TVP23B: variants seen among roughly 807,000 people sequenced by gnomAD.
The protein encoded by TVP23B is Golgi apparatus membrane protein TVP23 homolog B.
TVP23B carries 10 observed loss-of-function variants against 30.6 expected under a neutral mutation model. That is an observed-to-expected ratio of 0.33 (90% confidence interval 0.20 to 0.55). The LOEUF (loss-of-function observed/expected upper bound fraction) is 0.55. TVP23B is among the 20% of genes least tolerant of loss of function. TVP23B has a pLI of 0.91. For missense variants in TVP23B, 153 were observed against 243.2 expected, an observed-to-expected ratio of 0.63 and a Z score of 2.47; for synonymous variants, 67 against 83.1, an observed-to-expected ratio of 0.81 and a Z score of 1.06.
intron 3 of TVP23B, among the ~76,000 whole-genome samples, chr17:18,795,359 C>T (rs2036062253): frequency 6.6e-6 from 1 of 151,318 alleles, no homozygotes; most frequent in African/African-American, 2.4e-5. Flanking sequence ...TGTTCCCTTT[C>T]GTGGGGCCTG....
At chr17:18,788,077 G>A (rs539366090) in intron 1 of TVP23B, among the ~76,000 whole-genome samples, 117 of 92,782 alleles carry the variant, frequency 1.3e-3, no homozygotes, top group African/African-American at 4.9e-3. Flanking sequence ...GGTGGCTCAC[G>A]CCTGTAATCC....
rs1227093759 is a variant in TVP23B at position 18,786,576 on chromosome 17, C to T, written c.13-2777C>T. Among the ~76,000 whole-genome samples the T allele has an allele frequency of 4.6e-5, 7 of 152,340 alleles. No individual in the cohort carries two copies. The South Asian group carries it at 8.3e-4, about 18-fold the overall frequency. ...CATCATACGGTGGATCTCAATCTTG[C>T]TGTACGTTATGATCACACCTCAAAG... On this transcript the variant is annotated intron_variant, in intron 1 of 6. Transcript: ENST00000307767.
chr17:18,787,774 G>A lies in TVP23B; in HGVS notation c.13-1579G>A, dbSNP rs1597615208. ...AGACAGTGTCAGAAGCAAGTAGGGG[G>A]CATTAGATTCTGTGATCTTCTATGC... On this transcript the variant is annotated intron_variant, in intron 1 of 6. Coordinates refer to ENST00000307767, the MANE Select transcript of TVP23B (RefSeq NM_016078.6). Among the ~76,000 whole-genome samples the A allele has an allele frequency of 4.6e-5, 7 of 152,150 alleles. No individual in the cohort carries two copies. The South Asian group carries it at 1.5e-3, about 32-fold the overall frequency.
In TVP23B at chr17:18,790,644, G is replaced by T. The variant is rs566347344; in HGVS notation, c.96-252G>T. Among the ~76,000 whole-genome samples, 4 of 152,174 alleles carry T rather than the reference G, an allele frequency of 2.6e-5. No homozygotes were observed. In the East Asian group the frequency reaches 7.7e-4, roughly 29 times the overall value. ...GATAAAATTCTTTATTATCTATTTT[G>T]TGAAAGTTTATATTCAATGAGGTGT... On this transcript the variant is annotated intron_variant, in intron 2 of 6. Coordinates refer to ENST00000307767, the MANE Select transcript of TVP23B (RefSeq NM_016078.6).
intron 3 of TVP23B, among the ~76,000 whole-genome samples, chr17:18,792,397 C>T (rs1349225765): frequency 4.6e-5 from 7 of 152,116 alleles, no homozygotes; most frequent in Non-Finnish European, 8.8e-5. Flanking sequence ...TTCCATAGGC[C>T]GCATAATGCT....
intron 1 of TVP23B, among the ~76,000 whole-genome samples, chr17:18,785,278 A>G (rs1225772724): frequency 6.6e-6 from 1 of 152,178 alleles, no homozygotes; most frequent in African/African-American, 2.4e-5. Context: ...GTCATTTAGC[A>G]TCTTAAAATG....
intron 5 of TVP23B, among the ~76,000 whole-genome samples, chr17:18,800,256 G>C (rs2036139719): frequency 1.3e-5 from 2 of 151,916 alleles, no homozygotes; most frequent in Admixed American, 1.3e-4. Flanking sequence ...CTTCCTATGA[G>C]TTTCCTCCTT....
At chr17:18,798,779 C>T in intron 4 of TVP23B, 33 bp from the exon 5 acceptor site, 4 of 1,583,840 alleles carry the variant, frequency 2.5e-6, no homozygotes, top group South Asian at 1.1e-5. Flanking sequence ...ATAAATTTCA[C>T]AACATGATAA....
intron 1 of TVP23B, among the ~76,000 whole-genome samples, chr17:18,785,965 G>A (rs1035654660): frequency 3.9e-5 from 6 of 152,108 alleles, no homozygotes; most frequent in African/African-American, 1.2e-4. Flanking sequence ...GGCTCAAGGG[G>A]TTAAACATCA....
intron 3 of TVP23B, among the ~76,000 whole-genome samples, 154 bp downstream of exon 3, chr17:18,791,194 T>G (rs2035988607): frequency 6.9e-6 from 1 of 144,196 alleles, no homozygotes; most frequent in African/African-American, 2.6e-5. Context: ...GTAGTTTTTT[T>G]TTTTTTTTTT....
chr17:18,790,791 C>G (rs1253755593), intron 2 of TVP23B, 105 bp from the exon 3 acceptor site: 4 of 1,491,104 alleles, frequency 2.7e-6, no homozygotes, highest in Non-Finnish European at 3.6e-6. Context: ...TTTATTTTGA[C>G]AAAACTCTTC....
rs2014669569 is a variant in TVP23B, at chr17:18,781,239, C to T, written c.-55C>T. 1.9e-6 allele frequency: 3 copies of T among 1,553,606 alleles called. No individual in the cohort carries two copies. The highest frequency in any genetic ancestry group is 2.6e-6 in the Non-Finnish European group (3 of 1,149,206). On this transcript the variant is annotated 5_prime_UTR_variant, in exon 1 of 7. Coordinates refer to ENST00000307767, the MANE Select transcript of TVP23B (RefSeq NM_016078.6). ...GGGTCGCCTCAGTTCCGACCCGGACCCGTACGCTGCTGCGCTGACGTGGCT... is the reference window on the plus strand; with the variant it reads ...GGGTCGCCTCAGTTCCGACCCGGACTCGTACGCTGCTGCGCTGACGTGGCT...
chr17:18,806,323 A>C lies in TVP23B; in HGVS notation c.*756A>C. On this transcript the variant is annotated 3_prime_UTR_variant, in exon 7 of 7. Coordinates refer to ENST00000307767, the MANE Select transcript of TVP23B (RefSeq NM_016078.6). ...AGCTAATAGATCTTTTACCACTAAA[A>C]GAGCATTATTCTCATGTCATAATGA... 1 of 930,640 alleles carries C rather than the reference A, an allele frequency of 1.1e-6. No individual in the cohort carries two copies. Among genetic ancestry groups the C allele is most frequent in the Non-Finnish European group, 1.3e-6 (1 of 779,666 alleles). 57.6% of individuals were successfully genotyped at this position (930,640 alleles called of 1,614,324 possible). A position where few individuals can be genotyped will look rare whatever the true frequency, so the allele number is the denominator to read the frequency against.
At chr17:18,797,853 A>G (rs2036099310) in intron 4 of TVP23B, among the ~76,000 whole-genome samples, 185 bp downstream of exon 4, 1 of 152,220 alleles carries the variant, frequency 6.6e-6, no homozygotes, top group African/African-American at 2.4e-5. Context: ...ACCAGAAACA[A>G]GCAATATACA....
intron 3 of TVP23B, among the ~76,000 whole-genome samples, chr17:18,793,306 A>C (rs1419799808): frequency 6.6e-6 from 1 of 152,104 alleles, no homozygotes; most frequent in Non-Finnish European, 1.5e-5. Flanking sequence ...TAATGGTTTT[A>C]AAAATTTAAT....
chr17:18,793,084 T>C (rs1187024500), intron 3 of TVP23B, among the ~76,000 whole-genome samples: 1 of 151,902 alleles, frequency 6.6e-6, no homozygotes, highest in Non-Finnish European at 1.5e-5. Flanking sequence ...TTTAAGAAAG[T>C]TTACAAATTT....
intron 1 of TVP23B, 55 bp downstream of exon 1, chr17:18,781,360 G>T (rs1036955556): frequency 1.5e-4 from 241 of 1,555,212 alleles, no homozygotes; most frequent in Non-Finnish European, 1.9e-4. Flanking sequence ...TGGCTCTGCA[G>T]GTTCCGTGGG....
chr17:18,798,878 G>A lies in TVP23B; in HGVS notation c.397G>A (p.Ala133Thr). Reference protein sequence around the residue: ...ESRIFWLGLIACPVLWVIFAF... With the variant: ...ESRIFWLGLITCPVLWVIFAF... ...AAGAATCTTTTGGTTGGGACTTATT[G>A]CCTGTCCAGTACTGTGGGTGATATT... Residue 133 changes from alanine (A) to threonine (T), a missense_variant, in exon 5 of 7, where the codon GCC (alanine) becomes ACC (threonine). By Grantham distance (58) the Ala-to-Thr change is moderately conservative. Transcript: ENST00000307767. The A allele has an allele frequency of 6.2e-7, 1 of 1,613,798 alleles. No individual in the cohort carries two copies. The highest frequency in any genetic ancestry group is 8.5e-7 in the Non-Finnish European group (1 of 1,179,872).
rs990025143 is a variant in TVP23B, at chr17:18,804,554, T to A, written c.591+288T>A. 75 of 1,251,810 alleles carry A rather than the reference T, an allele frequency of 6.0e-5. 1 individual carries two copies. Among genetic ancestry groups the A allele is most frequent in the Admixed American group, 7.9e-5 (2 of 25,208 alleles). The allele number at this position is 1,251,810 out of a possible 1,614,324, so 77.5% of individuals were successfully genotyped here. A position where few individuals can be genotyped will look rare whatever the true frequency, so the allele number is the denominator to read the frequency against. On this transcript the variant is annotated intron_variant, in intron 6 of 6. Transcript: ENST00000307767. ...TTGTTTTTCATCAATTATGGGAGCTTTAAGTGAATGCCCTTGCAGAATGTA... is the reference window on the plus strand; with the variant it reads ...TTGTTTTTCATCAATTATGGGAGCTATAAGTGAATGCCCTTGCAGAATGTA...
Sources: allele counts gnomAD v4.1 joint callset (sites outside exome capture counted in the v4.1 genomes callset), GRCh38; gene constraint gnomAD v4.1.1; transcripts MANE v1.5; gene names NCBI Gene and HGNC (gene_info 2026-07-23, HGNC 2026-07-21).